The following PTCD2 variants were observed in gnomAD, a reference collection of about 807,000 sequenced individuals.
PTCD2 encodes the protein pentatricopeptide repeat-containing protein 2, mitochondrial.
In PTCD2, 31 loss-of-function variants were observed where a neutral mutation model predicts 42.6. The ratio of observed to expected loss-of-function variants is 0.73; its 90% CI spans 0.55 to 0.98. PTCD2 has a LOEUF of 0.98. PTCD2 is among the 50% of genes least tolerant of loss of function. PTCD2 has a pLI of 0.00. For missense variants in PTCD2, 476 were observed against 454.8 expected (o/e 1.05, Z -0.42); for synonymous variants, 183 against 170.9 (o/e 1.07, Z -0.55).
At chr5:72,338,505 C>T in intron 6 of PTCD2, 117 bp from the exon 7 acceptor site, 1 of 463,548 alleles carries the variant, frequency 2.2e-6, no homozygotes, top group Non-Finnish European at 3.8e-6. Context: ...TTTTAAGTGG[C>T]TTGAGGGAGG....
rs1350017441 is a variant in PTCD2 at position 72,360,741 on chromosome 5, G to A, written c.*2314G>A. 2 of 145,662 alleles carry A rather than the reference G, an allele frequency of 1.4e-5. No individual in the cohort carries two copies. Among genetic ancestry groups the A allele is most frequent in the African/African-American group, 5.6e-5 (2 of 35,816 alleles). The allele number at this position is 145,662 out of a possible 1,614,324, so 9.0% of individuals were successfully genotyped here. On this transcript the variant is annotated 3_prime_UTR_variant, in exon 10 of 10. Coordinates refer to ENST00000380639, the MANE Select transcript of PTCD2 (RefSeq NM_024754.5). ...ACTCTGTCGCCCAGGCTGGAGTGCA[G>A]TGGTGTGATCTCAGCTCACTGCAAC...
At chr5:72,331,098 A>G (rs568535614) in intron 3 of PTCD2, among the ~76,000 whole-genome samples, 160 bp from the exon 4 acceptor site, 38 of 152,252 alleles carry the variant, frequency 2.5e-4, no homozygotes, top group African/African-American at 9.2e-4. Flanking sequence ...GCACTCCAGG[A>G]TTCCTGATTG....
At chr5:72,344,867 C>A (rs370021226) in intron 8 of PTCD2, among the ~76,000 whole-genome samples, 6 of 152,064 alleles carry the variant, frequency 3.9e-5, no homozygotes, top group Non-Finnish European at 7.4e-5. Context: ...ACAGAGATCA[C>A]GTGCTTCACA....
intron 4 of PTCD2, among the ~76,000 whole-genome samples, chr5:72,333,415 A>G (rs183311009): frequency 2.0e-5 from 3 of 152,294 alleles, no homozygotes; most frequent in Non-Finnish European, 2.9e-5. Context: ...CTTCTCCACC[A>G]GAATTTAAGC....
chr5:72,358,163 T>C, intron 9 of PTCD2, 40 bp from the exon 10 acceptor site: 1 of 1,516,048 alleles, frequency 6.6e-7, no homozygotes, highest in Non-Finnish European at 9.1e-7. Flanking sequence ...AAGGAAGAAA[T>C]CTTGCAGAGA....
At chr5:72,347,386 T>C (rs576098228) in intron 8 of PTCD2, among the ~76,000 whole-genome samples, 1 of 152,292 alleles carries the variant, frequency 6.6e-6, no homozygotes, top group African/African-American at 2.4e-5. Context: ...CTCTCACAGT[T>C]ACAAGAATCT....
chr5:72,324,037 G>T (rs995963674), intron 2 of PTCD2, among the ~76,000 whole-genome samples: 1 of 152,000 alleles, frequency 6.6e-6, no homozygotes, highest in Admixed American at 6.5e-5. Context: ...CATATAGGGG[G>T]CAAAAAAATA....
At chr5:72,353,091 C>G (rs750032509) in intron 9 of PTCD2, among the ~76,000 whole-genome samples, 2 of 152,182 alleles carry the variant, frequency 1.3e-5, no homozygotes, top group African/African-American at 2.4e-5. Context: ...ACTTTTCACT[C>G]TCAGTTGATC....
At chr5:72,338,557 C>T in intron 6 of PTCD2, 65 bp from the exon 7 acceptor site, 2 of 806,134 alleles carry the variant, frequency 2.5e-6, no homozygotes, top group Non-Finnish European at 2.0e-6. Context: ...ATACTGAGCA[C>T]TATTAATCAT....
chr5:72,348,616 T>C (rs1752475574), intron 8 of PTCD2, among the ~76,000 whole-genome samples: 1 of 152,250 alleles, frequency 6.6e-6, no homozygotes, highest in Non-Finnish European at 1.5e-5. Flanking sequence ...ATCTCAAACA[T>C]AGACCCTCTT....
At chr5:72,332,773 C>G (rs1176743540) in intron 4 of PTCD2, among the ~76,000 whole-genome samples, 1 of 152,146 alleles carries the variant, frequency 6.6e-6, no homozygotes, top group Non-Finnish European at 1.5e-5. Flanking sequence ...CTCTTGTTCC[C>G]TACTTACAAC....
intron 6 of PTCD2, 27 bp from the exon 7 acceptor site, chr5:72,338,595 T>G: frequency 8.2e-7 from 1 of 1,213,520 alleles, no homozygotes; most frequent in Non-Finnish European, 1.2e-6. Context: ...TTTATAACAT[T>G]AATCGAACAA....
At chr5:72,332,864 A>G (rs1751514026) in intron 4 of PTCD2, among the ~76,000 whole-genome samples, 1 of 152,228 alleles carries the variant, frequency 6.6e-6, no homozygotes, top group Non-Finnish European at 1.5e-5. Context: ...GTAAGTATAA[A>G]ATATATGATG....
chr5:72,354,470 T>C (rs934438731), intron 9 of PTCD2, among the ~76,000 whole-genome samples: 2 of 149,914 alleles, frequency 1.3e-5, no homozygotes, highest in African/African-American at 2.5e-5. Context: ...GTAAGAGATG[T>C]GGACAGAATT....
chr5:72,353,409 A>C (rs1426956497), intron 9 of PTCD2, among the ~76,000 whole-genome samples: 1 of 152,258 alleles, frequency 6.6e-6, no homozygotes, highest in Non-Finnish European at 1.5e-5. Flanking sequence ...ATGAAAAGAC[A>C]GACCATATGT....
intron 9 of PTCD2, among the ~76,000 whole-genome samples, chr5:72,354,984 G>A (rs772860337): frequency 2.0e-5 from 3 of 152,146 alleles, no homozygotes; most frequent in Non-Finnish European, 4.4e-5. Flanking sequence ...ATGCAAATGG[G>A]TATGTGTAGT....
chr5:72,347,572 G>C (rs1347166729), intron 8 of PTCD2, among the ~76,000 whole-genome samples: 1 of 152,138 alleles, frequency 6.6e-6, no homozygotes, highest in Non-Finnish European at 1.5e-5. Context: ...TGTAATCCTG[G>C]CTTACTTGGG....
Position 72,320,521 on chromosome 5 carries a change from T to A in PTCD2, c.127+12T>A, listed in dbSNP as rs1193354211. 1 of 1,613,254 alleles carries A rather than the reference T, an allele frequency of 6.2e-7. No homozygotes were observed. The highest frequency in any genetic ancestry group is 1.3e-5 in the African/African-American group (1 of 74,898). ...CTGCCCTCTCGGAGGTATCCGCGGCTTTAGCCTAGGGAAGGAGGGGAGGGA... is the reference window on the plus strand; with the variant it reads ...CTGCCCTCTCGGAGGTATCCGCGGCATTAGCCTAGGGAAGGAGGGGAGGGA... On this transcript the variant is annotated intron_variant, in intron 1 of 9. Coordinates refer to ENST00000380639, the MANE Select transcript of PTCD2 (RefSeq NM_024754.5).
chr5:72,351,256 A>G lies in PTCD2; in HGVS notation c.829-1385A>G, dbSNP rs140052106. 1.4e-3 allele frequency among the ~76,000 whole-genome samples: 216 copies of G among 152,290 alleles called. 1 individual carries two copies. Among genetic ancestry groups the G allele is most frequent in the African/African-American group, 5.1e-3 (212 of 41,556 alleles). ...GAGATGTGTTCTTTTTTCTTGTGTTAGTTGCACAAGATAGTTGTGCACAAG... is the reference window on the plus strand; with the variant it reads ...GAGATGTGTTCTTTTTTCTTGTGTTGGTTGCACAAGATAGTTGTGCACAAG... On this transcript the variant is annotated intron_variant, in intron 8 of 9. Transcript: ENST00000380639.
Sources: allele counts gnomAD v4.1 joint callset (sites outside exome capture counted in the v4.1 genomes callset), GRCh38; gene constraint gnomAD v4.1.1; transcripts MANE v1.5; gene names NCBI Gene and HGNC (gene_info 2026-07-23, HGNC 2026-07-21).